The following NFILZ variants were observed in gnomAD, a reference collection of about 807,000 sequenced individuals.
NFILZ encodes the protein NFIL3 like protein.
At chr19:8,650,023 G>A (rs1487422932) in intron 3 of NFILZ, among the ~76,000 whole-genome samples, 2 of 151,826 alleles carry the variant, frequency 1.3e-5, no homozygotes, top group African/African-American at 4.8e-5. Flanking sequence ...GCTGAGGCAG[G>A]AGAATGGCGT....
rs2043125279 is a variant in NFILZ, at chr19:8,678,138, C to CCT, written c.*503_*504insCT. On this transcript the variant is annotated 3_prime_UTR_variant, in exon 6 of 6. Transcript: ENST00000691075. ...CCATCCATCCATCCCTCCATCCATT[C>CCT]ATCCACTTGTCCGTCCATCCATCCA... Among the ~76,000 whole-genome samples, 1 of 144,478 alleles carries CCT rather than the reference C, an allele frequency of 6.9e-6. No individual in the cohort carries two copies. The highest frequency in any genetic ancestry group is 2.6e-5 in the African/African-American group (1 of 39,012). The allele number at this position is 144,478 out of a possible 152,430, so 94.8% of individuals were successfully genotyped here.
intron 3 of NFILZ, among the ~76,000 whole-genome samples, chr19:8,669,427 C>G (rs1399171954): frequency 6.6e-6 from 1 of 152,146 alleles, no homozygotes; most frequent in African/African-American, 2.4e-5. Flanking sequence ...CTGACTTGCC[C>G]AGGCACACTT....
At chr19:8,672,238 C>T (rs1879096944) in intron 3 of NFILZ, among the ~76,000 whole-genome samples, 3 of 151,538 alleles carry the variant, frequency 2.0e-5, no homozygotes, top group South Asian at 4.2e-4. Flanking sequence ...TTTATTAGTT[C>T]ATGCAAAATA....
chr19:8,660,948 T>TCCTC (rs548870089), intron 3 of NFILZ, among the ~76,000 whole-genome samples: 1 of 144,902 alleles, frequency 6.9e-6, no homozygotes, highest in Non-Finnish European at 1.5e-5. Flanking sequence ...CCTCCTTCCT[T>TCCTC]CCTCCCTCCC....
intron 3 of NFILZ, among the ~76,000 whole-genome samples, chr19:8,648,908 C>G (rs2042953792): frequency 6.6e-6 from 1 of 151,616 alleles, no homozygotes; most frequent in Non-Finnish European, 1.5e-5. Flanking sequence ...CAGGAAGCCC[C>G]TATCTTTTCT....
intron 3 of NFILZ, among the ~76,000 whole-genome samples, chr19:8,657,883 G>C (rs1334891065): frequency 1.3e-5 from 2 of 152,096 alleles, no homozygotes; most frequent in Non-Finnish European, 2.9e-5. Context: ...CTAGATGTTT[G>C]GGTCTCAGAG....
At chr19:8,653,983 T>C (rs141255219) in intron 3 of NFILZ, among the ~76,000 whole-genome samples, 2,761 of 152,028 alleles carry the variant, frequency 0.018, 81 homozygotes, top group African/African-American at 0.064. Flanking sequence ...AATCCCAGCA[T>C]TTTGGGAGGC....
At chr19:8,632,198 AGAG>A (rs1259580729) in intron 1 of NFILZ, among the ~76,000 whole-genome samples, 6 of 150,238 alleles carry the variant, frequency 4.0e-5, no homozygotes, top group Non-Finnish European at 8.9e-5. Context: ...GGGATGCTCT[AGAG>A]GAGCCAGAGG....
At chr19:8,643,470 G>A (rs1434135542) in intron 3 of NFILZ, among the ~76,000 whole-genome samples, 1 of 152,204 alleles carries the variant, frequency 6.6e-6, no homozygotes, top group East Asian at 1.9e-4. Context: ...GTATCTGGGA[G>A]GGTGTTTCTG....
intron 3 of NFILZ, among the ~76,000 whole-genome samples, chr19:8,644,656 G>C (rs1334084857): frequency 6.6e-6 from 1 of 151,874 alleles, no homozygotes; most frequent in Non-Finnish European, 1.5e-5. Flanking sequence ...GTAGAGATGG[G>C]GGTCTTACCG....
In NFILZ at chr19:8,644,575, C is replaced by A. The variant is rs559056212; in HGVS notation, c.-164+8829C>A. On this transcript the variant is annotated intron_variant, in intron 3 of 5. Transcript: ENST00000691075. Reference sequence around the variant, plus strand: ...TCCCATACTCAAGAGATCCTTCTGCCTCAGCCTCCTGAGTAGCTGGGAACA... The same window carrying A: ...TCCCATACTCAAGAGATCCTTCTGCATCAGCCTCCTGAGTAGCTGGGAACA... Among the ~76,000 whole-genome samples, 8 of 152,148 alleles carry A rather than the reference C, an allele frequency of 5.3e-5. No homozygotes were observed. In the South Asian group the frequency reaches 1.7e-3, roughly 32 times the overall value.
chr19:8,665,382 AG>A (rs1555749667), intron 3 of NFILZ, among the ~76,000 whole-genome samples: 1 of 152,132 alleles, frequency 6.6e-6, no homozygotes, highest in African/African-American at 2.4e-5. Flanking sequence ...GTGTTTGAGG[AG>A]GGCTAAGGGG....
At chr19:8,667,293 C>CTA (rs1228093102) in intron 3 of NFILZ, among the ~76,000 whole-genome samples, 5 of 152,216 alleles carry the variant, frequency 3.3e-5, no homozygotes, top group Non-Finnish European at 7.3e-5. Context: ...GCTCCAAGCT[C>CTA]TAGTTCCATC....
chr19:8,640,701 G>A (rs1390989825), intron 3 of NFILZ, among the ~76,000 whole-genome samples: 1 of 152,146 alleles, frequency 6.6e-6, no homozygotes, highest in Non-Finnish European at 1.5e-5. Context: ...GCAAGCGTTG[G>A]CAACAGAATA....
chr19:8,657,668 T>C (rs1555748648), intron 3 of NFILZ, among the ~76,000 whole-genome samples: 1 of 152,122 alleles, frequency 6.6e-6, no homozygotes, highest in Non-Finnish European at 1.5e-5. Context: ...TCTTTCTCTG[T>C]CCCTCCACAC....
At chr19:8,646,783 C>G (rs1555747102) in intron 3 of NFILZ, among the ~76,000 whole-genome samples, 1 of 152,136 alleles carries the variant, frequency 6.6e-6, no homozygotes, top group Admixed American at 6.6e-5. Flanking sequence ...GTGCTGTTCC[C>G]TCTGTCTAAA....
intron 3 of NFILZ, among the ~76,000 whole-genome samples, chr19:8,657,505 C>T (rs536864945): frequency 6.6e-6 from 1 of 152,122 alleles, no homozygotes; most frequent in African/African-American, 2.4e-5. Context: ...CTGTGAGTGA[C>T]AGTTGCTAAG....
chr19:8,642,797 C>T (rs549942523), intron 3 of NFILZ, among the ~76,000 whole-genome samples: 1 of 152,156 alleles, frequency 6.6e-6, no homozygotes, highest in South Asian at 2.1e-4. Context: ...AACCCAGACT[C>T]AGGAAGTAAG....
At chr19:8,663,592 T>A (rs1354510485) in intron 3 of NFILZ, among the ~76,000 whole-genome samples, 1 of 151,160 alleles carries the variant, frequency 6.6e-6, no homozygotes, top group African/African-American at 2.4e-5. Context: ...TTGGCCACGT[T>A]GAGTATTTGA....
Sources: allele counts gnomAD v4.1 joint callset (sites outside exome capture counted in the v4.1 genomes callset), GRCh38; gene constraint gnomAD v4.1.1; transcripts MANE v1.5; gene names NCBI Gene and HGNC (gene_info 2026-07-23, HGNC 2026-07-21).